Variants in CDH17 observed in about 807,000 individuals in gnomAD.
CDH17 encodes the protein cadherin-17.
In CDH17, 67 loss-of-function variants were observed where a neutral mutation model predicts 86.3. That is an observed-to-expected ratio of 0.78 (90% CI 0.64 to 0.95). The LOEUF is 0.95. CDH17 is among the 40% of genes least tolerant of loss of function. The pLI is 0.00. For synonymous variants in CDH17, 367 were observed against 366.4 expected (o/e 1.00, Z -0.02); for missense variants, 993 against 1,017.6 (o/e 0.98, Z 0.33).
At position 94,152,448 on chromosome 8, in the gene CDH17, C is replaced by A. The variant is rs574992498; in HGVS notation, c.1552-336G>T. Among the ~76,000 whole-genome samples, 275 of 152,312 alleles carry A rather than the reference C, an allele frequency of 1.8e-3. 1 individual carries two copies. Among genetic ancestry groups the A allele is most frequent in the African/African-American group, 5.4e-3 (224 of 41,572 alleles). ...GTCACCCAGCCTTGAGCCTTGAGTG[C>A]AGTGGCGCAATCTTGGCTCACTGCA... On this transcript the variant is annotated intron_variant, in intron 12 of 17. Coordinates refer to ENST00000027335, the MANE Select transcript of CDH17 (RefSeq NM_004063.4).
At chr8:94,188,286 A>T (rs556905892) in intron 3 of CDH17, among the ~76,000 whole-genome samples, 1 of 152,276 alleles carries the variant, frequency 6.6e-6, no homozygotes, top group South Asian at 2.1e-4. Context: ...AATTTGTATC[A>T]TTTTTATTGT....
chr8:94,165,645 C>A, intron 10 of CDH17, 116 bp downstream of exon 10: 1 of 747,798 alleles, frequency 1.3e-6, no homozygotes, highest in African/African-American at 1.7e-5. Flanking sequence ...ACAAAGGAAG[C>A]AAAGAATGTT....
intron 3 of CDH17, among the ~76,000 whole-genome samples, chr8:94,179,226 C>T (rs1813431304): frequency 6.6e-6 from 1 of 152,096 alleles, no homozygotes; most frequent in Non-Finnish European, 1.5e-5. Context: ...ATTATCTATC[C>T]TGTTGGCATT....
At position 94,166,976 on chromosome 8, in the gene CDH17, C is replaced by A. The variant is rs1813169554; in HGVS notation, c.1067-1000G>T. Among the ~76,000 whole-genome samples, 3 of 152,178 alleles carry A rather than the reference C, an allele frequency of 2.0e-5. No individual in the cohort carries two copies. The South Asian group carries it at 6.2e-4, about 32-fold the overall frequency. On this transcript the variant is annotated intron_variant, in intron 9 of 17. Coordinates refer to ENST00000027335, the MANE Select transcript of CDH17 (RefSeq NM_004063.4). ...AGAAAAGATTTCTGTTGTTTTAAGT[C>A]ACCAAATTGGTGGTGATTTGTTGCT...
Position 94,207,321 on chromosome 8 carries a change from A to G in CDH17, c.-21+1162T>C, listed in dbSNP as rs915182543. Among the ~76,000 whole-genome samples the G allele has an allele frequency of 4.6e-5, 7 of 152,156 alleles. No homozygotes were observed. The East Asian group carries it at 7.7e-4, about 17-fold the overall frequency. ...CTTTCTCATGGAACAGAGCGCTAAC[A>G]TTCACTGGATGTGTACCATGCACCA... On this transcript the variant is annotated intron_variant, in intron 1 of 17. Coordinates refer to ENST00000027335, the MANE Select transcript of CDH17 (RefSeq NM_004063.4).
intron 3 of CDH17, among the ~76,000 whole-genome samples, chr8:94,181,357 A>G (rs10100998): frequency 0.11 from 16,212 of 152,202 alleles, 1,569 homozygotes; most frequent in African/African-American, 0.26. Flanking sequence ...ACTCCATCCA[A>G]CAAAAGCCAG....
At chr8:94,170,664 A>G (rs1813251820) in intron 8 of CDH17, 117 bp from the exon 9 acceptor site, 2 of 1,389,560 alleles carry the variant, frequency 1.4e-6, no homozygotes, top group Admixed American at 4.7e-5. Flanking sequence ...TTCACTTAGA[A>G]TTGGAAAATT....
intron 3 of CDH17, among the ~76,000 whole-genome samples, chr8:94,180,943 C>CAAAAA (rs59930370): frequency 2.9e-5 from 2 of 69,784 alleles, no homozygotes; most frequent in Non-Finnish European, 3.2e-5. Flanking sequence ...ACAAACAAAC[C>CAAAAA]AAAAAAAAAA....
At chr8:94,177,190 C>T (rs1269265454) in intron 4 of CDH17, among the ~76,000 whole-genome samples, 1 of 152,174 alleles carries the variant, frequency 6.6e-6, no homozygotes, top group East Asian at 1.9e-4. Context: ...CTTCTTCCAA[C>T]GCCCAAAGGA....
chr8:94,159,361 G>T (rs530112182), intron 12 of CDH17, among the ~76,000 whole-genome samples: 1 of 152,252 alleles, frequency 6.6e-6, no homozygotes, highest in African/African-American at 2.4e-5. Flanking sequence ...GTAAAGCAGC[G>T]GAGAGGGGGA....
rs761371588 is a variant in CDH17 at position 94,160,102 on chromosome 8, C to T, written c.1420G>A (p.Ala474Thr). The change falls in exon 12 of 18, where the codon GCC becomes ACC. Residue 474 changes from alanine (A) to threonine (T), a missense_variant. By Grantham distance (58) the Ala-to-Thr change is moderately conservative. Coordinates refer to ENST00000027335, the MANE Select transcript of CDH17 (RefSeq NM_004063.4). ...GTAAATGGCTCATCAGCATCAGTGG[C>T]CTGGATGGTTAAGATGGTGGACCCA... Reference protein sequence around the residue: ...NIGSTILTIQATDADEPFTGS... With the variant: ...NIGSTILTIQTTDADEPFTGS... 6.2e-7 allele frequency: 1 copy of T among 1,613,766 alleles called. No homozygotes were observed. Among genetic ancestry groups the T allele is most frequent in the African/African-American group, 1.3e-5 (1 of 74,996 alleles).
chr8:94,180,601 A>G (rs539985136), intron 3 of CDH17, among the ~76,000 whole-genome samples: 10 of 152,212 alleles, frequency 6.6e-5, no homozygotes, highest in Non-Finnish European at 1.5e-4. Context: ...TGACACATTC[A>G]AAGTGCTAAA....
chr8:94,183,085 C>T (rs548546338), intron 3 of CDH17, among the ~76,000 whole-genome samples: 1 of 152,128 alleles, frequency 6.6e-6, no homozygotes, highest in Admixed American at 6.5e-5. Flanking sequence ...AACTACAAAA[C>T]ACTGTTGAAA....
intron 12 of CDH17, among the ~76,000 whole-genome samples, chr8:94,153,708 T>C (rs941525063): frequency 2.0e-5 from 3 of 152,126 alleles, no homozygotes; most frequent in East Asian, 1.9e-4. Flanking sequence ...AATGAAATAC[T>C]GTTCAGCTTT....
At chr8:94,150,656 C>T (rs1196822793) in intron 13 of CDH17, among the ~76,000 whole-genome samples, 2 of 152,164 alleles carry the variant, frequency 1.3e-5, no homozygotes, top group Admixed American at 6.5e-5. Flanking sequence ...TCTTCCTGAC[C>T]TCAACTTAAT....
intron 14 of CDH17, among the ~76,000 whole-genome samples, chr8:94,147,190 G>A (rs187983636): frequency 1.3e-5 from 2 of 152,246 alleles, no homozygotes; most frequent in Admixed American, 1.3e-4. Context: ...ACAGCATAAA[G>A]GCTCAGCCAG....
At chr8:94,202,161 C>G (rs1813927235) in intron 1 of CDH17, 1 of 151,058 alleles carries the variant, frequency 6.6e-6, no homozygotes, top group African/African-American at 2.5e-5. Context: ...GTTTCTCACA[C>G]TGCTGGTATC....
At chr8:94,203,364 C>T (rs931428764) in intron 1 of CDH17, among the ~76,000 whole-genome samples, 2 of 152,086 alleles carry the variant, frequency 1.3e-5, no homozygotes, top group South Asian at 2.1e-4. Context: ...TTTCAAATAT[C>T]CTAAGGTAGT....
At chr8:94,194,563 C>G (rs1813744124) in intron 2 of CDH17, 72 bp downstream of exon 2, 2 of 1,006,164 alleles carry the variant, frequency 2.0e-6, no homozygotes, top group Non-Finnish European at 3.1e-6. Context: ...CCATTCTTTC[C>G]CTGGTGTGGG....
Sources: gnomAD v4.1 joint callset for allele counts (sites outside exome capture counted in the v4.1 genomes callset) on GRCh38, gnomAD v4.1.1 for gene constraint, MANE v1.5 for transcripts, NCBI Gene and HGNC (gene_info 2026-07-23, HGNC 2026-07-21) for gene names.